The following ARHGEF10 variants were observed in gnomAD, a reference collection of about 807,000 sequenced individuals.
ARHGEF10 encodes the protein Rho guanine nucleotide exchange factor 10.
ARHGEF10 carries 140 observed loss-of-function variants against 147.4 expected under a neutral mutation model. The observed-to-expected ratio is 0.95, with a 90% CI of 0.83 to 1.09. ARHGEF10 has a LOEUF of 1.09. Among genes scored for constraint, ARHGEF10 ranks in the 50% least tolerant of loss-of-function variants. ARHGEF10 has a pLI of 0.00. For synonymous variants in ARHGEF10, 902 were observed against 695.8 expected, an observed-to-expected ratio of 1.30 and a Z score of -4.67; for missense variants, 2,222 against 1,752.7, an observed-to-expected ratio of 1.27 and a Z score of -4.78.
chr8:1,842,270 C>T (rs1002433299), intron 1 of ARHGEF10, among the ~76,000 whole-genome samples: 1 of 152,036 alleles, frequency 6.6e-6, no homozygotes, highest in African/African-American at 2.4e-5. Context: ...GGGGCAGGGT[C>T]CCACTGCCAT....
chr8:1,910,486 C>G (rs1039084905), intron 18 of ARHGEF10, among the ~76,000 whole-genome samples: 1 of 152,112 alleles, frequency 6.6e-6, no homozygotes, highest in Non-Finnish European at 1.5e-5. Flanking sequence ...ATTTCTGACT[C>G]TTAAATCCTC....
rs951273768 is a variant in ARHGEF10, at chr8:1,929,493, G to C, written c.3079+50G>C. 4 of 1,553,842 alleles carry C rather than the reference G, an allele frequency of 2.6e-6. No homozygotes were observed. In the African/African-American group the frequency reaches 5.5e-5, roughly 21 times the overall value. On this transcript the variant is annotated intron_variant, in intron 25 of 28. Coordinates refer to ENST00000349830, the MANE Select transcript of ARHGEF10 (RefSeq NM_014629.4). ...GGCCGGTCCTTGGGGTTCACTCAGGGGACTGTGCATCCGGTTTAGCCTCCC... is the reference window on the plus strand; with the variant it reads ...GGCCGGTCCTTGGGGTTCACTCAGGCGACTGTGCATCCGGTTTAGCCTCCC...
chr8:1,905,392 T>G (rs1810801274), intron 16 of ARHGEF10, among the ~76,000 whole-genome samples, 179 bp from the exon 17 acceptor site: 1 of 152,148 alleles, frequency 6.6e-6, no homozygotes, highest in Non-Finnish European at 1.5e-5. Flanking sequence ...CCAACTGCGG[T>G]GAAAGTCTGT....
chr8:1,922,980 GC>G lies in ARHGEF10; in HGVS notation c.2162del (p.Pro721GlnfsTer15), dbSNP rs775627835. The G allele has an allele frequency of 6.2e-7, 1 of 1,612,708 alleles. No homozygotes were observed. The highest frequency in any genetic ancestry group is 8.5e-7 in the Non-Finnish European group (1 of 1,179,466). On this transcript the variant is annotated frameshift_variant, in exon 19 of 29. Transcript: ENST00000349830. LOFTEE classifies it high-confidence loss of function. Reference sequence around the variant, plus strand: ...ATTTTGTAGACAAAGTTTACATGGGGCCAGGACAACTGTATCAAGATTTACA... The same window carrying G: ...ATTTTGTAGACAAAGTTTACATGGGGCAGGACAACTGTATCAAGATTTACA... Reference protein sequence around the residue: ...NAKPNKVYMGPGQLYQDLQNL... With the variant: ...NAKPNKVYMGXGQLYQDLQNL...
intron 13 of ARHGEF10, among the ~76,000 whole-genome samples, chr8:1,895,050 A>G (rs1809862599): frequency 1.3e-5 from 2 of 152,202 alleles, no homozygotes; most frequent in South Asian, 4.1e-4. Flanking sequence ...TGTTTTCTCA[A>G]ACTTTTGCCC....
intron 11 of ARHGEF10, among the ~76,000 whole-genome samples, chr8:1,889,605 TG>T (rs1255756726): frequency 1.2e-5 from 1 of 85,470 alleles, no homozygotes; most frequent in Non-Finnish European, 2.3e-5. Context: ...AGACACTGAG[TG>T]TGGGTGAGGG....
intron 26 of ARHGEF10, among the ~76,000 whole-genome samples, chr8:1,942,080 C>A (rs1335607344): frequency 6.6e-6 from 1 of 151,976 alleles, no homozygotes; most frequent in African/African-American, 2.4e-5. Flanking sequence ...GATCTGACAC[C>A]TCAAGCACAA....
Position 1,889,235 on chromosome 8 carries a change from G to T in ARHGEF10, c.1182+3528G>T, listed in dbSNP as rs182601261. 2.9e-4 allele frequency among the ~76,000 whole-genome samples: 13 copies of T among 44,482 alleles called. 2 individuals are homozygous for T. Among genetic ancestry groups the T allele is most frequent in the Admixed American group, 8.1e-4 (3 of 3,726 alleles). The allele number at this position is 44,482 out of a possible 152,430, so 29.2% of individuals were successfully genotyped here. On this transcript the variant is annotated intron_variant, in intron 11 of 28. Transcript: ENST00000349830. Reference sequence around the variant, plus strand: ...CACTGAATGGGGTGAGGGTTGTGAGGAGACATTGAGTGGGATGAGAGGTGT... The same window carrying T: ...CACTGAATGGGGTGAGGGTTGTGAGTAGACATTGAGTGGGATGAGAGGTGT...
chr8:1,939,012 C>G (rs891491122), intron 26 of ARHGEF10, among the ~76,000 whole-genome samples: 7 of 151,122 alleles, frequency 4.6e-5, no homozygotes, highest in Admixed American at 2.0e-4. Context: ...GAATACCAGT[C>G]CCCAGAAACC....
chr8:1,886,574 C>A (rs776734442), intron 11 of ARHGEF10, among the ~76,000 whole-genome samples: 1 of 152,198 alleles, frequency 6.6e-6, no homozygotes, highest in Non-Finnish European at 1.5e-5. Flanking sequence ...ACAGCGATGA[C>A]TGAAGTATTA....
chr8:1,849,423 G>GAC (rs1563172182), intron 2 of ARHGEF10, among the ~76,000 whole-genome samples: 1 of 148,906 alleles, frequency 6.7e-6, no homozygotes, highest in Non-Finnish European at 1.5e-5. Context: ...CGTGGACACA[G>GAC]AGGGCAAATG....
chr8:1,946,194 G>A (rs1814575868), intron 27 of ARHGEF10, among the ~76,000 whole-genome samples: 1 of 152,254 alleles, frequency 6.6e-6, no homozygotes, highest in Non-Finnish European at 1.5e-5. Flanking sequence ...AAAGAAATGA[G>A]GAGGGGGCCC....
intron 25 of ARHGEF10, among the ~76,000 whole-genome samples, chr8:1,932,037 A>G (rs1813188986): frequency 6.6e-6 from 1 of 152,180 alleles, no homozygotes; most frequent in Admixed American, 6.5e-5. Context: ...GCCACACCTG[A>G]CAGCCAGGAT....
chr8:1,946,003 G>C, intron 27 of ARHGEF10: 1 of 439,624 alleles, frequency 2.3e-6, no homozygotes, highest in Non-Finnish European at 4.2e-6. Context: ...GCCAGGACCT[G>C]AGGCTGAAGA....
At chr8:1,888,213 C>CGAGGGTTGCGAGGAGACACTTAGTGGGGT in intron 11 of ARHGEF10, among the ~76,000 whole-genome samples, 1 of 26,372 alleles carries the variant, frequency 3.8e-5, no homozygotes, top group African/African-American at 1.7e-4. Context: ...CTTAGTGGGG[C>CGAGGGTTGCGAGGAGACACTTAGTGGGGT]GAGGGTTGCG....
rs752520272 is a variant in ARHGEF10 at position 1,905,640 on chromosome 8, G to C, written c.1891G>C (p.Gly631Arg). The part of the protein sequence containing the change: ...DMIETVYNDR[G>R]EIVKTKERRV... ...GATAGAAACAGTTTACAACGACAGAGGAGAGATTGTTAAAACCAAAGAACG... is the reference window on the plus strand; with the variant it reads ...GATAGAAACAGTTTACAACGACAGACGAGAGATTGTTAAAACCAAAGAACG... Residue 631 changes from glycine (G) to arginine (R), a missense_variant, in exon 17 of 29, where the codon GGA (glycine) becomes CGA (arginine). Gly to Arg is a moderately radical substitution (Grantham distance 125). Transcript: ENST00000349830. 1.2e-6 allele frequency: 2 copies of C among 1,614,208 alleles called. No homozygotes were observed. The highest frequency in any genetic ancestry group is 4.5e-5 in the East Asian group (2 of 44,888).
intron 17 of ARHGEF10, among the ~76,000 whole-genome samples, chr8:1,906,538 C>T (rs1048016237): frequency 3.3e-5 from 5 of 152,206 alleles, no homozygotes; most frequent in African/African-American, 1.2e-4. Flanking sequence ...CCGTCGCCCC[C>T]ATTTTCCAGC....
At chr8:1,914,533 C>T (rs1811611071) in intron 18 of ARHGEF10, among the ~76,000 whole-genome samples, 1 of 152,266 alleles carries the variant, frequency 6.6e-6, no homozygotes, top group African/African-American at 2.4e-5. Flanking sequence ...ACTGTTCTTG[C>T]TCCTTATGCC....
chr8:1,826,073 A>T (rs918452927), intron 1 of ARHGEF10: 3 of 1,587,006 alleles, frequency 1.9e-6, no homozygotes, highest in African/African-American at 2.7e-5. Flanking sequence ...TTAGCAGCCA[A>T]CATCGGCAGT....
Sources: allele counts gnomAD v4.1 joint callset (sites outside exome capture counted in the v4.1 genomes callset), GRCh38; gene constraint gnomAD v4.1.1; transcripts MANE v1.5; gene names NCBI Gene and HGNC (gene_info 2026-07-23, HGNC 2026-07-21).